The following TSPAN9 variants were observed in gnomAD, a reference collection of about 807,000 sequenced individuals.
TSPAN9 encodes tetraspanin 9.
In TSPAN9, 16 loss-of-function variants were observed where a neutral mutation model predicts 31.0. That is an observed-to-expected ratio of 0.52 (90% CI 0.35 to 0.78). TSPAN9 has a LOEUF of 0.78. Ranked by LOEUF, TSPAN9 falls within the 30% of genes least tolerant of loss-of-function variation. The probability of loss-of-function intolerance (pLI) is 0.01; values close to 1 mark genes in which losing one functional copy is unlikely to be tolerated. For missense variants in TSPAN9, 272 were observed against 312.5 expected, an observed-to-expected ratio of 0.87 and a Z score of 0.98; for synonymous variants, 145 against 121.6, an observed-to-expected ratio of 1.19 and a Z score of -1.27.
intron 3 of TSPAN9, among the ~76,000 whole-genome samples, chr12:3,269,188 T>C (rs1452533856): frequency 1.4e-4 from 11 of 80,746 alleles, no homozygotes; most frequent in East Asian, 4.0e-4. Flanking sequence ...CTCTGTGTTT[T>C]TCCAGCCTGC....
At position 3,143,277 on chromosome 12, in the gene TSPAN9, TA is replaced by T. The variant is rs1270308254; in HGVS notation, c.-17-57898del. ...TTATAGTTATATTAATCATAATTAA[TA>T]ATATTTATAATTATATTAATTATAA... On this transcript the variant is annotated intron_variant, in intron 2 of 8. Coordinates refer to ENST00000011898, the MANE Select transcript of TSPAN9 (RefSeq NM_006675.5). The surrounding 1 kb of genome is among the most constrained non-coding windows in gnomAD (Gnocchi z 4.2). Among the ~76,000 whole-genome samples, 2 of 148,412 alleles carry T rather than the reference TA, an allele frequency of 1.3e-5. No homozygotes were observed. The highest frequency in any genetic ancestry group is 4.9e-5 in the African/African-American group (2 of 40,894).
intron 3 of TSPAN9, among the ~76,000 whole-genome samples, chr12:3,210,300 G>C (rs1256091870): frequency 6.6e-6 from 1 of 152,230 alleles, no homozygotes; most frequent in East Asian, 1.9e-4. Flanking sequence ...CAGTGAGGAT[G>C]TATCAGTGGA....
chr12:3,257,821 T>C (rs1367931075), intron 3 of TSPAN9, among the ~76,000 whole-genome samples: 1 of 151,690 alleles, frequency 6.6e-6, no homozygotes, highest in Non-Finnish European at 1.5e-5. Flanking sequence ...TGCCCAGAGG[T>C]GGTGAGGGTC....
At chr12:3,195,211 G>A (rs2098366479) in intron 2 of TSPAN9, among the ~76,000 whole-genome samples, 1 of 152,168 alleles carries the variant, frequency 6.6e-6, no homozygotes, top group African/African-American at 2.4e-5. Context: ...CTGGCCCATT[G>A]GTTCTGATTG....
chr12:3,165,291 A>G (rs2098347694), intron 2 of TSPAN9, among the ~76,000 whole-genome samples: 1 of 152,208 alleles, frequency 6.6e-6, no homozygotes, highest in Non-Finnish European at 1.5e-5. Flanking sequence ...CACGAATCCC[A>G]CTGCTCATCC....
intron 3 of TSPAN9, among the ~76,000 whole-genome samples, chr12:3,264,472 C>T (rs1385725006): frequency 1.3e-5 from 2 of 152,234 alleles, no homozygotes; most frequent in Non-Finnish European, 2.9e-5. Flanking sequence ...GAAAGCAAGC[C>T]GCCTCCCGGA....
chr12:3,209,194 C>T (rs1285524117), intron 3 of TSPAN9, among the ~76,000 whole-genome samples: 1 of 149,658 alleles, frequency 6.7e-6, no homozygotes, highest in Non-Finnish European at 1.5e-5. Context: ...AAGACCACAC[C>T]ATTGCACTGC....
chr12:3,091,096 C>A (rs2098304300), intron 2 of TSPAN9, among the ~76,000 whole-genome samples: 1 of 152,232 alleles, frequency 6.6e-6, no homozygotes, highest in Non-Finnish European at 1.5e-5. Context: ...GTACTCCCTG[C>A]TGATTTTCAT....
intron 3 of TSPAN9, among the ~76,000 whole-genome samples, chr12:3,248,976 C>G (rs1316743305): frequency 6.6e-6 from 1 of 152,246 alleles, no homozygotes. Context: ...CCTGTCCGTC[C>G]CACCCGTTCC....
intron 3 of TSPAN9, among the ~76,000 whole-genome samples, chr12:3,271,702 C>G (rs1862681508): frequency 6.6e-6 from 1 of 152,156 alleles, no homozygotes; most frequent in South Asian, 2.1e-4. Context: ...GACTTTGTCC[C>G]TTCATTTCTC....
intron 3 of TSPAN9, chr12:3,211,544 G>T: frequency 1.3e-6 from 1 of 787,854 alleles, no homozygotes; most frequent in Non-Finnish European, 2.0e-6. Context: ...TTGATATTTT[G>T]GTTGACCTTT....
At chr12:3,180,892 T>A (rs920678733) in intron 2 of TSPAN9, among the ~76,000 whole-genome samples, 2 of 152,172 alleles carry the variant, frequency 1.3e-5, no homozygotes, top group African/African-American at 2.4e-5. Context: ...CACGAAGTTA[T>A]TCTATTTTTC....
intron 3 of TSPAN9, among the ~76,000 whole-genome samples, chr12:3,239,020 T>C (rs2153976946): frequency 6.6e-6 from 1 of 152,334 alleles, no homozygotes; most frequent in East Asian, 1.9e-4. Context: ...GCACCCAGCA[T>C]GGCGTTAGAC....
chr12:3,109,293 T>A (rs1295434209), intron 2 of TSPAN9, among the ~76,000 whole-genome samples: 3 of 117,090 alleles, frequency 2.6e-5, no homozygotes, highest in Admixed American at 2.3e-4. Context: ...TGTGTGTGTG[T>A]GTGTGTGAGA....
chr12:3,150,203 G>A (rs528943919), intron 2 of TSPAN9, among the ~76,000 whole-genome samples: 121 of 152,284 alleles, frequency 7.9e-4, no homozygotes, highest in Non-Finnish European at 1.5e-3. Context: ...GGCCTCCCTC[G>A]GTCTGTTTCC....
intron 2 of TSPAN9, among the ~76,000 whole-genome samples, chr12:3,118,540 C>A (rs966921279): frequency 2.6e-5 from 4 of 152,020 alleles, no homozygotes; most frequent in Non-Finnish European, 5.9e-5. Flanking sequence ...GGATTACAGG[C>A]ATGAGCCACC....
intron 3 of TSPAN9, among the ~76,000 whole-genome samples, chr12:3,266,125 C>CT (rs1366897402): frequency 1.3e-5 from 2 of 152,222 alleles, no homozygotes; most frequent in Non-Finnish European, 2.9e-5. Context: ...TCTGCACACT[C>CT]TATCACAGCT....
intron 2 of TSPAN9, among the ~76,000 whole-genome samples, chr12:3,087,132 A>G (rs1246618479): frequency 6.6e-6 from 1 of 152,156 alleles, no homozygotes; most frequent in Non-Finnish European, 1.5e-5. Context: ...CACTTGCCTT[A>G]CATGTGTGTT....
At chr12:3,206,516 T>C (rs998728997) in intron 3 of TSPAN9, 1 of 289,684 alleles carries the variant, frequency 3.5e-6, no homozygotes, top group African/African-American at 2.1e-5. Flanking sequence ...ACAGCCACTT[T>C]CTGACTCTCC....
Sources: allele counts gnomAD v4.1 joint callset (sites outside exome capture counted in the v4.1 genomes callset), GRCh38; gene constraint gnomAD v4.1.1; non-coding constraint Gnocchi (gnomAD v3.1); transcripts MANE v1.5; gene names NCBI Gene and HGNC (gene_info 2026-07-23, HGNC 2026-07-21).